The following PCDHGA3 variants were observed in gnomAD, a reference collection of about 807,000 sequenced individuals.
The protein encoded by PCDHGA3 is protocadherin gamma-A3.
PCDHGA3 carries 40 observed loss-of-function variants against 58.5 expected under a neutral mutation model. The ratio of observed to expected loss-of-function variants is 0.68; its 90% CI spans 0.53 to 0.89. The LOEUF (loss-of-function observed/expected upper bound fraction) is 0.89, where lower values mean the gene tolerates loss of function less well. Ranked by LOEUF, PCDHGA3 falls within the 40% of genes least tolerant of loss-of-function variation. The probability of loss-of-function intolerance (pLI) is 0.00; values close to 1 mark genes in which losing one functional copy is unlikely to be tolerated. For missense variants in PCDHGA3, 1,223 were observed against 1,195.9 expected, an observed-to-expected ratio of 1.02 and a Z score of -0.33; for synonymous variants, 530 against 525.7, an observed-to-expected ratio of 1.01 and a Z score of -0.11.
At chr5:141,352,634 C>T (rs765189587) in intron 1 of PCDHGA3, 1 of 1,609,970 alleles carries the variant, frequency 6.2e-7, no homozygotes, top group South Asian at 1.1e-5. Context: ...TAATGAAGAT[C>T]ACAAAATCGC....
intron 1 of PCDHGA3, chr5:141,409,138 A>T: frequency 6.2e-7 from 1 of 1,614,046 alleles, no homozygotes; most frequent in South Asian, 1.1e-5. Context: ...TTGAAGATGT[A>T]GAAAGGTACA....
intron 1 of PCDHGA3, chr5:141,385,017 C>T: frequency 6.2e-7 from 1 of 1,614,188 alleles, no homozygotes; most frequent in Non-Finnish European, 8.5e-7. Context: ...TCTTCCTAGC[C>T]TTCGTCCTCG....
chr5:141,477,268 C>A lies in PCDHGA3; in HGVS notation c.2425-17539C>A, dbSNP rs2099408532. On this transcript the variant is annotated intron_variant, in intron 1 of 3. Transcript: ENST00000253812. This position sits in a 1 kb window ranked among gnomAD's most constrained non-coding sequence, Gnocchi z 4.9. ...TGACTGACCTGGATGCTGGCGAGAA[C>A]GGGCTGGTGACCTGCGAAGTTCCAC... 1.2e-6 allele frequency: 2 copies of A among 1,614,078 alleles called. No individual in the cohort carries two copies. Among genetic ancestry groups the A allele is most frequent in the Non-Finnish European group, 1.7e-6 (2 of 1,180,038 alleles).
chr5:141,366,425 G>A, intron 1 of PCDHGA3: 1 of 1,614,148 alleles, frequency 6.2e-7, no homozygotes, highest in South Asian at 1.1e-5. Context: ...GGCAGTGGCT[G>A]CAGTCTCCTG....
intron 1 of PCDHGA3, among the ~76,000 whole-genome samples, chr5:141,456,877 C>T (rs910777736): frequency 2.0e-5 from 3 of 152,202 alleles, no homozygotes; most frequent in South Asian, 2.1e-4. Context: ...GCAGGAGAAT[C>T]GCTTGAACCC....
rs768812729 is a variant in PCDHGA3, at chr5:141,491,543, A to T, written c.2425-3264A>T. 2.5e-6 allele frequency: 4 copies of T among 1,613,842 alleles called. No individual in the cohort carries two copies. The highest frequency in any genetic ancestry group is 3.4e-6 in the Non-Finnish European group (4 of 1,179,982). The stretch of plus-strand genomic sequence containing the variant: ...ATGGAGGTGACGCTGCGGCCCACAG[A>T]CTCGCAGAGCCACTGCTACAGGACG... On this transcript the variant is annotated intron_variant, in intron 1 of 3. Transcript: ENST00000253812. This position sits in a 1 kb window ranked among gnomAD's most constrained non-coding sequence, Gnocchi z 6.9.
At chr5:141,356,596 C>T (rs1274610162) in intron 1 of PCDHGA3, 1 of 1,614,026 alleles carries the variant, frequency 6.2e-7, no homozygotes, top group Non-Finnish European at 8.5e-7. Flanking sequence ...TGAAAACAAC[C>T]CCAGAGGAGC....
At chr5:141,383,287 G>T (rs753501762) in intron 1 of PCDHGA3, 3 of 1,613,916 alleles carry the variant, frequency 1.9e-6, no homozygotes, top group Non-Finnish European at 1.7e-6. Flanking sequence ...TAATGACAAC[G>T]TTCCAAGATT....
At chr5:141,398,387 G>T in intron 1 of PCDHGA3, 2 of 1,455,430 alleles carry the variant, frequency 1.4e-6, no homozygotes, top group Non-Finnish European at 1.9e-6. Context: ...TTGCTTGTGA[G>T]CAGCAGGCTA....
chr5:141,370,277 C>T, intron 1 of PCDHGA3: 1 of 847,602 alleles, frequency 1.2e-6, no homozygotes, highest in East Asian at 2.6e-5. Flanking sequence ...CGGAGACACC[C>T]ATTAGAGAAC....
intron 1 of PCDHGA3, chr5:141,350,337 C>T (rs776161210): frequency 6.5e-7 from 1 of 1,540,822 alleles, no homozygotes; most frequent in South Asian, 1.3e-5. Flanking sequence ...TTCTGCGGGG[C>T]CATCTCCCAG....
intron 1 of PCDHGA3, chr5:141,418,787 G>A: frequency 6.2e-7 from 1 of 1,613,794 alleles, no homozygotes; most frequent in Non-Finnish European, 8.5e-7. Context: ...TTTGGATTTT[G>A]AAGAAGTAGA....
At chr5:141,446,339 G>A (rs1455819111) in intron 1 of PCDHGA3, among the ~76,000 whole-genome samples, 1 of 152,164 alleles carries the variant, frequency 6.6e-6, no homozygotes, top group Non-Finnish European at 1.5e-5. Flanking sequence ...GAACTGGATG[G>A]ACAAAGCTAC....
At chr5:141,374,562 C>T in intron 1 of PCDHGA3, 2 of 1,613,702 alleles carry the variant, frequency 1.2e-6, no homozygotes, top group Non-Finnish European at 1.7e-6. Flanking sequence ...GTCTATGACC[C>T]TGATGTGGGA....
chr5:141,398,738 A>G, intron 1 of PCDHGA3: 1 of 1,613,880 alleles, frequency 6.2e-7, no homozygotes, highest in Admixed American at 1.7e-5. Flanking sequence ...GACCGGGAAC[A>G]ACAGAGTTAC....
intron 1 of PCDHGA3, chr5:141,356,746 GCT>G: frequency 1.2e-6 from 2 of 1,613,970 alleles, no homozygotes. Flanking sequence ...GATCCTATAT[GCT>G]CTTTGCTCCT....
At chr5:141,498,318 G>T (rs927950671) in intron 2 of PCDHGA3, among the ~76,000 whole-genome samples, 2 of 151,792 alleles carry the variant, frequency 1.3e-5, no homozygotes, top group African/African-American at 4.8e-5. Flanking sequence ...TGCCTACACA[G>T]AAGGAAGAGC....
chr5:141,413,906 C>G, intron 1 of PCDHGA3: 1 of 1,613,310 alleles, frequency 6.2e-7, no homozygotes. Context: ...GACAACGCGC[C>G]GGTCTTCACC....
chr5:141,348,728 G>T (rs1229427030), intron 1 of PCDHGA3, among the ~76,000 whole-genome samples: 1 of 152,152 alleles, frequency 6.6e-6, no homozygotes, highest in Non-Finnish European at 1.5e-5. Flanking sequence ...AAAGGGAGGA[G>T]AAGTTCATAG....
Sources: allele counts gnomAD v4.1 joint callset (sites outside exome capture counted in the v4.1 genomes callset), GRCh38; gene constraint gnomAD v4.1.1; non-coding constraint Gnocchi (gnomAD v3.1); transcripts MANE v1.5; gene names NCBI Gene and HGNC (gene_info 2026-07-23, HGNC 2026-07-21).